TENT5D: variants seen among roughly 807,000 people sequenced by gnomAD.
TENT5D encodes cancer/testis antigen 112.
For synonymous variants in TENT5D, 103 were observed against 100.6 expected (o/e 1.02, Z -0.15); for missense variants, 191 against 287.0 (o/e 0.67, Z 2.42).
At chrX:80,417,444 T>G (rs1381713576), upstream of TENT5D, among the ~76,000 whole-genome samples, 1 of 109,910 alleles carries the variant, frequency 9.1e-6, no homozygotes, top group Non-Finnish European at 1.9e-5. Context: ...GTAATAGTTT[T>G]TTTTTTTTTT....
intron 3 of TENT5D, among the ~76,000 whole-genome samples, chrX:80,407,272 G>A (rs1931521396): frequency 9.1e-6 from 1 of 110,487 alleles, no homozygotes; most frequent in South Asian, 3.9e-4. Flanking sequence ...AAAGTAAATG[G>A]ACTAAATGCT....
At chrX:80,349,715 C>T (rs755715934) in intron 3 of TENT5D, among the ~76,000 whole-genome samples, 1 of 110,889 alleles carries the variant, frequency 9.0e-6, no homozygotes, top group Non-Finnish European at 1.9e-5. Context: ...TTTGCTCTTG[C>T]TTCTCTAGTT....
chrX:80,370,306 A>G (rs17003902), intron 3 of TENT5D, among the ~76,000 whole-genome samples: 10,720 of 110,976 alleles, frequency 0.097, 523 homozygotes, highest in African/African-American at 0.18. Context: ...TTCAACTCTG[A>G]TGTGATACGC....
chrX:80,344,155 T>C (rs756165611), intron 3 of TENT5D, among the ~76,000 whole-genome samples: 1 of 110,796 alleles, frequency 9.0e-6, no homozygotes, highest in South Asian at 3.9e-4. Context: ...CTGTGTAACA[T>C]TCCATGGTGT....
intron 1 of TENT5D, among the ~76,000 whole-genome samples, chrX:80,421,767 G>C (rs1327495927): frequency 9.0e-6 from 1 of 111,622 alleles, no homozygotes; most frequent in African/African-American, 3.3e-5. Flanking sequence ...AAGAGTAGAA[G>C]GTGTTGAAAT....
At chrX:80,434,846 G>A (rs1269650555) in intron 1 of TENT5D, among the ~76,000 whole-genome samples, 4 of 101,808 alleles carry the variant, frequency 3.9e-5, no homozygotes, top group Admixed American at 1.1e-4. Context: ...GCCATGACAC[G>A]ATCTCGGCTC....
chrX:80,385,900 G>C (rs1314283612), intron 3 of TENT5D, among the ~76,000 whole-genome samples: 1 of 112,154 alleles, frequency 8.9e-6, no homozygotes, highest in African/African-American at 3.2e-5. Flanking sequence ...TTAGAATGGT[G>C]ATCATTAAAA....
At chrX:80,396,274 TTTC>T (rs948148040) in intron 3 of TENT5D, among the ~76,000 whole-genome samples, 10 of 111,535 alleles carry the variant, frequency 9.0e-5, no homozygotes, top group African/African-American at 3.3e-4. Flanking sequence ...TTATACTGTT[TTTC>T]TTTTTTTTTT....
At chrX:80,412,724 C>A (rs1931697058) in intron 3 of TENT5D, among the ~76,000 whole-genome samples, 1 of 111,672 alleles carries the variant, frequency 9.0e-6, no homozygotes, top group Non-Finnish European at 1.9e-5. Context: ...TCTGAGACCA[C>A]CTCAGCCTGG....
At chrX:80,345,559 G>A (rs1475562097) in intron 3 of TENT5D, among the ~76,000 whole-genome samples, 1 of 111,474 alleles carries the variant, frequency 9.0e-6, no homozygotes, top group East Asian at 2.8e-4. Context: ...GTGATAAAGT[G>A]GGAAAGGTGC....
intron 3 of TENT5D, among the ~76,000 whole-genome samples, chrX:80,378,559 G>C (rs1930781826): frequency 9.0e-6 from 1 of 110,773 alleles, no homozygotes; most frequent in African/African-American, 3.3e-5. Context: ...TTCTTATTTT[G>C]GTCAGGTTTG....
At chrX:80,345,253 T>C (rs1930035973) in intron 3 of TENT5D, among the ~76,000 whole-genome samples, 1 of 111,623 alleles carries the variant, frequency 9.0e-6, no homozygotes, top group African/African-American at 3.3e-5. Context: ...CCTATATCCA[T>C]GTATCATCAG....
intron 3 of TENT5D, among the ~76,000 whole-genome samples, chrX:80,352,595 C>T (rs1173614352): frequency 9.1e-6 from 1 of 109,715 alleles, no homozygotes; most frequent in African/African-American, 3.3e-5. Context: ...GCTTGCTGGG[C>T]TCTTTGGGAG....
chrX:80,419,903 C>T (rs888136844), upstream of TENT5D, among the ~76,000 whole-genome samples: 7 of 110,950 alleles, frequency 6.3e-5, no homozygotes, highest in African/African-American at 2.0e-4. Flanking sequence ...TTTATAGAGT[C>T]GAAGTCTCTC....
intron 3 of TENT5D, among the ~76,000 whole-genome samples, chrX:80,399,171 TAGAAG>T (rs1931344562): frequency 8.9e-6 from 1 of 112,006 alleles, no homozygotes; most frequent in African/African-American, 3.2e-5. Flanking sequence ...GGATCAAATG[TAGAAG>T]ATCATTGCCC....
intron 3 of TENT5D, among the ~76,000 whole-genome samples, chrX:80,399,086 C>A (rs1931343251): frequency 9.0e-6 from 1 of 111,528 alleles, no homozygotes; most frequent in African/African-American, 3.3e-5. Context: ...TTAATTGTGT[C>A]CTTTGTTGTG....
At chrX:80,349,058 T>C (rs1930121714) in intron 3 of TENT5D, among the ~76,000 whole-genome samples, 1 of 112,334 alleles carries the variant, frequency 8.9e-6, no homozygotes, top group Non-Finnish European at 1.9e-5. Context: ...TGGATTCGGT[T>C]TGCCAATATT....
At chrX:80,385,318 G>T (rs1930970409) in intron 3 of TENT5D, among the ~76,000 whole-genome samples, 1 of 111,125 alleles carries the variant, frequency 9.0e-6, no homozygotes, top group East Asian at 2.8e-4. Context: ...ACAAGAAATG[G>T]GGAAAGGATT....
chrX:80,378,899 C>G (rs1303305021), intron 3 of TENT5D, among the ~76,000 whole-genome samples: 1 of 109,784 alleles, frequency 9.1e-6, no homozygotes, highest in Non-Finnish European at 1.9e-5. Context: ...ACTTCCAACA[C>G]TATGTTGAAT....
Sources: allele counts gnomAD v4.1 joint callset (sites outside exome capture counted in the v4.1 genomes callset), GRCh38; gene constraint gnomAD v4.1.1; transcripts MANE v1.5; gene names NCBI Gene and HGNC (gene_info 2026-07-23, HGNC 2026-07-21).